PBX3: variants seen among roughly 807,000 people sequenced by gnomAD.
The protein encoded by PBX3 is PBX homeobox 3.
Under a neutral mutation model 48.5 loss-of-function variants are expected in PBX3, and 14 were observed. That is an observed-to-expected ratio of 0.29 (90% CI 0.19 to 0.45). The LOEUF is 0.45. Among genes scored for constraint, PBX3 ranks in the 20% least tolerant of loss-of-function variants. The pLI is 1.00. For synonymous variants in PBX3, 210 were observed against 200.3 expected, an observed-to-expected ratio of 1.05 and a Z score of -0.41; for missense variants, 386 against 546.7, an observed-to-expected ratio of 0.71 and a Z score of 2.93.
chr9:125,761,220 T>C (rs1307648940), intron 2 of PBX3, among the ~76,000 whole-genome samples: 1 of 152,042 alleles, frequency 6.6e-6, no homozygotes. Context: ...TTTCTTTTTT[T>C]TTTTGCTAGA....
At chr9:125,834,573 T>C (rs1839064422) in intron 2 of PBX3, among the ~76,000 whole-genome samples, 1 of 151,486 alleles carries the variant, frequency 6.6e-6, no homozygotes, top group Non-Finnish European at 1.5e-5. Flanking sequence ...ATTTTTGTAT[T>C]TTTAGTAGAG....
In PBX3 at chr9:125,962,186, C is replaced by G; in HGVS notation, c.1094C>G (p.Ser365Cys). 1 of 1,610,934 alleles carries G rather than the reference C, an allele frequency of 6.2e-7. No homozygotes were observed. The highest frequency in any genetic ancestry group is 8.5e-7 in the Non-Finnish European group (1 of 1,177,184). ...QSLNGDSYQG[S>C]QVGANVQSQV... ...CTGAATGGGGATTCTTACCAAGGGT[C>G]CCAAGTCGGAGCCAATGTGCAATCA... is the stretch of plus-strand genomic sequence containing the variant. Residue 365 changes from serine (S) to cysteine (C), a missense_variant, in exon 7 of 9, where the codon TCC (serine) becomes TGC (cysteine). Ser to Cys is a moderately radical substitution (Grantham distance 112). Coordinates refer to ENST00000373489, the MANE Select transcript of PBX3 (RefSeq NM_006195.6).
chr9:125,749,693 A>G (rs537409189), intron 2 of PBX3, among the ~76,000 whole-genome samples: 1 of 152,148 alleles, frequency 6.6e-6, no homozygotes, highest in East Asian at 1.9e-4. Flanking sequence ...AGAAGGTTAC[A>G]TGTGATTGTG....
intron 5 of PBX3, among the ~76,000 whole-genome samples, chr9:125,956,040 C>T (rs1215732571): frequency 1.3e-5 from 2 of 152,214 alleles, no homozygotes; most frequent in Non-Finnish European, 2.9e-5. Context: ...GGCAACTTGT[C>T]TGTGGCCTGG....
intron 2 of PBX3, 86 bp downstream of exon 2, chr9:125,748,709 T>A: frequency 1.1e-6 from 1 of 951,154 alleles, no homozygotes; most frequent in Non-Finnish European, 1.6e-6. Context: ...TGAGAGCTGC[T>A]GCTTTTGGGC....
chr9:125,828,987 C>T (rs1416107471), intron 2 of PBX3, among the ~76,000 whole-genome samples: 5 of 152,092 alleles, frequency 3.3e-5, no homozygotes, highest in African/African-American at 1.2e-4. Context: ...TGTAGGTGAT[C>T]CCCTGAGAGG....
At chr9:125,847,814 T>G (rs930861260) in intron 2 of PBX3, among the ~76,000 whole-genome samples, 1 of 151,926 alleles carries the variant, frequency 6.6e-6, no homozygotes, top group African/African-American at 2.4e-5. Flanking sequence ...TTTCAACCTG[T>G]AAATTTAACC....
chr9:125,872,546 G>A (rs1171678818), intron 2 of PBX3, among the ~76,000 whole-genome samples: 1 of 152,114 alleles, frequency 6.6e-6, no homozygotes, highest in Non-Finnish European at 1.5e-5. Context: ...TGCCTGTCCA[G>A]CTGGGAATTC....
chr9:125,787,196 C>T (rs1177708626), intron 2 of PBX3, among the ~76,000 whole-genome samples: 1 of 152,132 alleles, frequency 6.6e-6, no homozygotes, highest in South Asian at 2.1e-4. Context: ...TACACCACCA[C>T]ACCTGGCTAA....
Position 125,962,109 on chromosome 9 carries a change from T to G in PBX3, c.1017T>G (p.Ser339=). The G allele has an allele frequency of 1.3e-6, 2 of 1,579,734 alleles. No homozygotes were observed. Among genetic ancestry groups the G allele is most frequent in the Non-Finnish European group, 1.7e-6 (2 of 1,148,766 alleles). The part of the protein sequence containing the change: ...NSPTTPNSGS[S]GSFNLPNSGD... ...TAACTCTTTCCTTTCCAGGTTCTTCTGGTTCTTTTAACCTCCCAAATTCTG... is the reference window on the plus strand; with the variant it reads ...TAACTCTTTCCTTTCCAGGTTCTTCGGGTTCTTTTAACCTCCCAAATTCTG... Residue 339 remains serine (S), a synonymous_variant, in exon 7 of 9, where the codon TCT becomes TCG. Transcript: ENST00000373489.
chr9:125,789,509 T>A (rs1837543366), intron 2 of PBX3, among the ~76,000 whole-genome samples: 1 of 152,218 alleles, frequency 6.6e-6, no homozygotes. Context: ...CCCCCCATTT[T>A]AGGGCAGCTT....
intron 5 of PBX3, among the ~76,000 whole-genome samples, chr9:125,943,374 AAAAAAAAAAAAAAAAAAAAAAAAAAG>A (rs1842001812): frequency 1.6e-4 from 3 of 18,948 alleles, no homozygotes; most frequent in African/African-American, 3.0e-4. Context: ...AAAAAAAAAA[AAAAAAAAAAAAAAAAAAAAAAAAAAG>A]AAAGGAGAGA....
At chr9:125,751,751 A>C (rs142123897) in intron 2 of PBX3, among the ~76,000 whole-genome samples, 4 of 152,254 alleles carry the variant, frequency 2.6e-5, no homozygotes, top group African/African-American at 9.6e-5. Flanking sequence ...TTTTCTCCTG[A>C]TTTTTAAAGC....
At chr9:125,843,871 A>C (rs1839354608) in intron 2 of PBX3, 1 of 455,166 alleles carries the variant, frequency 2.2e-6, no homozygotes, top group Admixed American at 2.4e-5. Flanking sequence ...TAATGGGGTC[A>C]TTTGGAAGGC....
intron 2 of PBX3, among the ~76,000 whole-genome samples, chr9:125,817,238 A>G (rs531129785): frequency 1.3e-5 from 2 of 152,340 alleles, no homozygotes; most frequent in East Asian, 1.9e-4. Flanking sequence ...AAGTTTAGAT[A>G]CAACACATAT....
chr9:125,748,439 G>T, intron 1 of PBX3, 111 bp from the exon 2 acceptor site: 2 of 1,516,448 alleles, frequency 1.3e-6, no homozygotes, highest in Non-Finnish European at 8.9e-7. Context: ...GTTCAAAAGG[G>T]CCTTCCAGAA....
In PBX3 at chr9:125,949,977, A is replaced by G. The variant is rs550136493; in HGVS notation, c.844-10707A>G. ...CCACAGTTGTGATGTCAGTGTTTCA[A>G]AATCTGTCAAAGAGGCTCTCCATAG... On this transcript the variant is annotated intron_variant, in intron 5 of 8. Transcript: ENST00000373489. Among the ~76,000 whole-genome samples, 36 of 152,160 alleles carry G rather than the reference A, an allele frequency of 2.4e-4. 1 individual carries two copies. Among genetic ancestry groups the G allele is most frequent in the Admixed American group, 5.2e-4 (8 of 15,302 alleles).
chr9:125,908,545 C>T (rs1016316645), intron 2 of PBX3, among the ~76,000 whole-genome samples: 4 of 134,498 alleles, frequency 3.0e-5, no homozygotes, highest in African/African-American at 1.2e-4. Flanking sequence ...CTATGGAAGT[C>T]CAGATGTAGA....
chr9:125,780,677 G>A (rs1333123107), intron 2 of PBX3, among the ~76,000 whole-genome samples: 1 of 124,378 alleles, frequency 8.0e-6, no homozygotes, highest in Non-Finnish European at 1.8e-5. Context: ...TGGGGCGGCT[G>A]GCCGGGCGGG....
Sources: allele counts gnomAD v4.1 joint callset (sites outside exome capture counted in the v4.1 genomes callset), GRCh38; gene constraint gnomAD v4.1.1; transcripts MANE v1.5; gene names NCBI Gene and HGNC (gene_info 2026-07-23, HGNC 2026-07-21).